Variants in MFHAS1 observed in about 807,000 individuals in gnomAD.
MFHAS1 encodes malignant fibrous histiocytoma-amplified sequence 1.
MFHAS1 carries 50 observed loss-of-function variants against 70.4 expected under a neutral mutation model. The observed-to-expected ratio is 0.71, with a 90% CI of 0.57 to 0.90. MFHAS1 has a LOEUF of 0.90. Among genes scored for constraint, MFHAS1 ranks in the 40% least tolerant of loss-of-function variants. The pLI is 0.00. For missense variants in MFHAS1, 1,795 were observed against 1,347.6 expected (o/e 1.33, Z -5.20); for synonymous variants, 952 against 620.0 (o/e 1.54, Z -7.96).
At chr8:8,871,404 G>C (rs1809070612) in intron 1 of MFHAS1, among the ~76,000 whole-genome samples, 1 of 152,128 alleles carries the variant, frequency 6.6e-6, no homozygotes, top group Admixed American at 6.5e-5. Context: ...ACAAAAATTA[G>C]CTGGGCATGG....
intron 1 of MFHAS1, among the ~76,000 whole-genome samples, chr8:8,808,489 G>C (rs1806419245): frequency 6.6e-6 from 1 of 152,160 alleles, no homozygotes; most frequent in African/African-American, 2.4e-5. Flanking sequence ...CTGGCGATTT[G>C]GATCTGCCAA....
chr8:8,849,199 G>C (rs7840365), intron 1 of MFHAS1, among the ~76,000 whole-genome samples: 3,404 of 144,968 alleles, frequency 0.023, 114 homozygotes, highest in African/African-American at 0.082. Context: ...TCCTGCCTTA[G>C]CCTCCCGAGT....
Position 8,892,783 on chromosome 8 carries a change from C to T in MFHAS1, c.276G>A (p.Leu92=). The change falls in exon 1 of 3, where the codon CTG becomes CTA. Residue 92 remains leucine (L), a synonymous_variant. Transcript: ENST00000276282. The surrounding 1 kb of genome is among the most constrained non-coding windows in gnomAD (Gnocchi z 4.7). ...LGSALGSLRV[L]VLRRNRFARL... ...GGGCGAAGCGGTTCCTGCGCAGGAC[C>T]AGGACGCGCAGGCTGCCCAGCGCCG... The T allele has an allele frequency of 6.3e-7, 1 of 1,583,774 alleles. No homozygotes were observed. Among genetic ancestry groups the T allele is most frequent in the African/African-American group, 1.3e-5 (1 of 74,406 alleles).
At chr8:8,866,878 A>G (rs548076434) in intron 1 of MFHAS1, among the ~76,000 whole-genome samples, 2 of 152,360 alleles carry the variant, frequency 1.3e-5, no homozygotes, top group South Asian at 2.1e-4. Flanking sequence ...ATGAATCAGG[A>G]AAGAACCGTG....
chr8:8,835,513 C>T (rs568593462), intron 1 of MFHAS1, among the ~76,000 whole-genome samples: 22 of 152,102 alleles, frequency 1.4e-4, no homozygotes, highest in African/African-American at 5.3e-4. Context: ...ATTTTCCTCA[C>T]GATGAAGATG....
At chr8:8,854,387 G>T (rs984592629) in intron 1 of MFHAS1, among the ~76,000 whole-genome samples, 1 of 152,204 alleles carries the variant, frequency 6.6e-6, no homozygotes, top group East Asian at 1.9e-4. Flanking sequence ...CAGGCTTGGT[G>T]GTGGGCGCCT....
intron 1 of MFHAS1, among the ~76,000 whole-genome samples, chr8:8,808,869 G>A (rs1357028159): frequency 6.6e-6 from 1 of 152,100 alleles, no homozygotes; most frequent in Admixed American, 6.6e-5. Context: ...CTATAGCAAG[G>A]GTGCCCAACG....
chr8:8,846,172 G>A (rs950789527), intron 1 of MFHAS1, among the ~76,000 whole-genome samples: 2 of 146,994 alleles, frequency 1.4e-5, no homozygotes, highest in Non-Finnish European at 3.0e-5. Context: ...AGAATCGCTC[G>A]AACCTGGGAG....
intron 1 of MFHAS1, among the ~76,000 whole-genome samples, chr8:8,887,604 G>C (rs6601267): frequency 0.18 from 26,330 of 149,172 alleles, 2,917 homozygotes; most frequent in African/African-American, 0.31. Flanking sequence ...TTTTATAATC[G>C]TGCTCTAAAA....
intron 1 of MFHAS1, among the ~76,000 whole-genome samples, chr8:8,845,496 C>T (rs887960422): frequency 1.3e-5 from 2 of 152,200 alleles, no homozygotes; most frequent in African/African-American, 4.8e-5. Context: ...CTGCCGGAAA[C>T]AGGTTCTCAA....
intron 1 of MFHAS1, among the ~76,000 whole-genome samples, chr8:8,815,255 C>A (rs1191093413): frequency 6.6e-6 from 1 of 152,160 alleles, no homozygotes; most frequent in African/African-American, 2.4e-5. Context: ...TTTTCTTTAT[C>A]CAGTCTATCA....
At chr8:8,801,120 C>T (rs1416983905) in intron 1 of MFHAS1, among the ~76,000 whole-genome samples, 1 of 151,968 alleles carries the variant, frequency 6.6e-6, no homozygotes, top group African/African-American at 2.4e-5. Flanking sequence ...GAGGCTGAGG[C>T]AGCAGAATCG....
chr8:8,824,303 T>G (rs1563190718), intron 1 of MFHAS1, among the ~76,000 whole-genome samples: 1 of 152,132 alleles, frequency 6.6e-6, no homozygotes, highest in Non-Finnish European at 1.5e-5. Context: ...TTAAGCATCT[T>G]AAGAAATACA....
At chr8:8,797,243 T>C (rs1805936045) in intron 2 of MFHAS1, 122 bp downstream of exon 2, 1 of 1,035,638 alleles carries the variant, frequency 9.7e-7, no homozygotes, top group African/African-American at 1.6e-5. Flanking sequence ...AAGAATTATG[T>C]CTGTTCAGGA....
chr8:8,820,138 C>A (rs1419234076), intron 1 of MFHAS1, among the ~76,000 whole-genome samples: 2 of 152,102 alleles, frequency 1.3e-5, no homozygotes, highest in Non-Finnish European at 2.9e-5. Context: ...CAAAAATTAA[C>A]AGTGCTGGTT....
At chr8:8,833,953 C>T (rs1316994785) in intron 1 of MFHAS1, among the ~76,000 whole-genome samples, 2 of 151,990 alleles carry the variant, frequency 1.3e-5, no homozygotes, top group African/African-American at 4.8e-5. Context: ...TGGTAAAACC[C>T]CGTCTCTACT....
chr8:8,793,541 A>C (rs1347240668), intron 2 of MFHAS1, among the ~76,000 whole-genome samples: 3 of 152,196 alleles, frequency 2.0e-5, no homozygotes, highest in East Asian at 3.8e-4. Context: ...AGCTTTCTCT[A>C]GGGCACCCAT....
intron 1 of MFHAS1, among the ~76,000 whole-genome samples, chr8:8,832,641 T>G (rs1327268243): frequency 6.7e-6 from 1 of 148,248 alleles, no homozygotes; most frequent in African/African-American, 2.5e-5. Flanking sequence ...TTTTTTTTTT[T>G]TTTTCAAGAC....
intron 1 of MFHAS1, among the ~76,000 whole-genome samples, chr8:8,828,510 A>T (rs1443253887): frequency 6.6e-6 from 1 of 152,170 alleles, no homozygotes; most frequent in Non-Finnish European, 1.5e-5. Flanking sequence ...AGAAGGTAAC[A>T]GCCCGGGCCC....
Sources: allele counts gnomAD v4.1 joint callset (sites outside exome capture counted in the v4.1 genomes callset), GRCh38; gene constraint gnomAD v4.1.1; non-coding constraint Gnocchi (gnomAD v3.1); transcripts MANE v1.5; gene names NCBI Gene and HGNC (gene_info 2026-07-23, HGNC 2026-07-21).